The following OSCP1 variants were observed in gnomAD, a reference collection of about 807,000 sequenced individuals.
OSCP1 encodes organic solute carrier partner 1.
A neutral mutation model predicts 45.1 loss-of-function variants in OSCP1; 35 were observed. The ratio of observed to expected loss-of-function variants is 0.78; its 90% CI spans 0.59 to 1.03. The LOEUF (loss-of-function observed/expected upper bound fraction) is 1.03. Among genes scored for constraint, OSCP1 ranks in the 50% least tolerant of loss-of-function variants. The pLI, the probability that OSCP1 is intolerant of heterozygous loss-of-function variation, is 0.00. For synonymous variants in OSCP1, 179 were observed against 180.1 expected, an observed-to-expected ratio of 0.99 and a Z score of 0.05; for missense variants, 400 against 470.7, an observed-to-expected ratio of 0.85 and a Z score of 1.39.
At chr1:36,431,365 A>C (rs982436554) in intron 4 of OSCP1, among the ~76,000 whole-genome samples, 4 of 151,812 alleles carry the variant, frequency 2.6e-5, no homozygotes, top group Non-Finnish European at 5.9e-5. Context: ...TTGAGATGGG[A>C]GAGGGAAGGG....
intron 1 of OSCP1, among the ~76,000 whole-genome samples, chr1:36,442,125 G>C (rs1166617291): frequency 1.3e-5 from 2 of 152,108 alleles, no homozygotes; most frequent in African/African-American, 4.8e-5. Flanking sequence ...TACTCAGGAG[G>C]CTGAGGCAGG....
chr1:36,442,308 AACATAGCAAGCT>A (rs1649251593), intron 1 of OSCP1, among the ~76,000 whole-genome samples: 1 of 151,640 alleles, frequency 6.6e-6, no homozygotes. Context: ...TTGGGTTCTC[AACATAGCAAGCT>A]TCTAGTCCTG....
chr1:36,428,578 A>G, intron 4 of OSCP1: 2 of 1,364,726 alleles, frequency 1.5e-6, no homozygotes, highest in Non-Finnish European at 1.9e-6. Context: ...AGAAACTAAG[A>G]CTTAAGAGAA....
chr1:36,422,340 G>A (rs1394087021), intron 6 of OSCP1, 121 bp from the exon 7 acceptor site: 1 of 926,974 alleles, frequency 1.1e-6, no homozygotes, highest in Non-Finnish European at 1.7e-6. Flanking sequence ...GAAAGGTGCT[G>A]TGGGTACAGA....
chr1:36,432,864 T>C (rs1648466671), intron 2 of OSCP1, among the ~76,000 whole-genome samples: 2 of 152,222 alleles, frequency 1.3e-5, no homozygotes, highest in South Asian at 4.1e-4. Flanking sequence ...ATGGGATACG[T>C]CTGAAATAAT....
chr1:36,438,643 C>A, intron 2 of OSCP1, 113 bp downstream of exon 2: 1 of 1,279,648 alleles, frequency 7.8e-7, no homozygotes, highest in African/African-American at 1.5e-5. Flanking sequence ...TTTACACATG[C>A]CTGTTTCTTG....
intron 4 of OSCP1, among the ~76,000 whole-genome samples, chr1:36,427,219 C>G (rs1648024941): frequency 6.6e-6 from 1 of 151,374 alleles, no homozygotes. Flanking sequence ...CCAGGCTGGT[C>G]TCGAACTCCT....
Position 36,429,535 on chromosome 1 carries a change from A to ATTTTTTTTTTTTTTTTTTTTT in OSCP1, c.516+2246_516+2266dup, listed in dbSNP as rs200043573. Reference sequence around the variant, plus strand: ...CACATTCAAAATTCAGAAGCTTAGAATTTTTTTTTTTTTTTTTTTTTTTTT... The same window carrying ATTTTTTTTTTTTTTTTTTTTT: ...CACATTCAAAATTCAGAAGCTTAGAATTTTTTTTTTTTTTTTTTTTTTTTTTTTTTTTTTTTTTTTTTTTTT... On this transcript the variant is annotated intron_variant, in intron 4 of 9. Coordinates refer to ENST00000235532, the MANE Select transcript of OSCP1 (RefSeq NM_145047.5). Among the ~76,000 whole-genome samples, 52 of 100,314 alleles carry ATTTTTTTTTTTTTTTTTTTTT rather than the reference A, an allele frequency of 5.2e-4. 6 individuals are homozygous for ATTTTTTTTTTTTTTTTTTTTT. Among genetic ancestry groups the ATTTTTTTTTTTTTTTTTTTTT allele is most frequent in the African/African-American group, 2.0e-3 (47 of 23,902 alleles). The allele number at this position is 100,314 out of a possible 152,430, so 65.8% of individuals were successfully genotyped here. A position where few individuals can be genotyped will look rare whatever the true frequency, so the allele number is the denominator to read the frequency against.
intron 7 of OSCP1, 71 bp from the exon 8 acceptor site, chr1:36,420,686 CAGGT>C: frequency 6.4e-7 from 1 of 1,563,688 alleles, no homozygotes; most frequent in Non-Finnish European, 8.7e-7. Context: ...CTCAGAGACA[CAGGT>C]AGGTATTATA....
rs545003078 is a variant in OSCP1, at chr1:36,433,732, G to A, written c.268-1143C>T. Among the ~76,000 whole-genome samples the A allele has an allele frequency of 3.3e-5, 5 of 152,300 alleles. No homozygotes were observed. In the South Asian group the frequency reaches 1.0e-3, roughly 32 times the overall value. ...GACTAGATGTAGTAGAAGTTAGGGG[G>A]TTAAAGTTTTCTGGGCTGACATGAT... On this transcript the variant is annotated intron_variant, in intron 2 of 9. Coordinates refer to ENST00000235532, the MANE Select transcript of OSCP1 (RefSeq NM_145047.5).
intron 1 of OSCP1, among the ~76,000 whole-genome samples, chr1:36,444,822 G>A (rs1030641175): frequency 1.3e-5 from 2 of 152,064 alleles, no homozygotes; most frequent in Non-Finnish European, 2.9e-5. Flanking sequence ...AGTTTCCTTC[G>A]TAAAATAGGG....
intron 9 of OSCP1, chr1:36,418,540 AC>A (rs933158609): frequency 1.9e-5 from 9 of 466,788 alleles, no homozygotes; most frequent in African/African-American, 1.8e-4. Context: ...GAATGACAAT[AC>A]AGCACTTAAC....
intron 2 of OSCP1, among the ~76,000 whole-genome samples, chr1:36,434,246 G>A (rs931609947): frequency 7.5e-5 from 11 of 146,094 alleles, no homozygotes; most frequent in African/African-American, 3.1e-4. Context: ...TACCTCATTT[G>A]ATCCCATTTA....
chr1:36,443,969 G>A, intron 1 of OSCP1: 1 of 1,603,340 alleles, frequency 6.2e-7, no homozygotes, highest in South Asian at 1.1e-5. Context: ...ACCTGTGGAT[G>A]CACACTGAAC....
chr1:36,429,546 T>TTTTTTA (rs1408208586), intron 4 of OSCP1, among the ~76,000 whole-genome samples: 2 of 136,882 alleles, frequency 1.5e-5, no homozygotes, highest in Admixed American at 7.3e-5. Context: ...TTTTTTTTTT[T>TTTTTTA]TTTTTTTTTT....
chr1:36,443,990 C>T lies in OSCP1; in HGVS notation c.113-5080G>A, dbSNP rs76421758. 6,279 of 1,612,558 alleles carry T rather than the reference C, an allele frequency of 3.9e-3. 81 individuals carry two copies. The African/African-American group carries it at 0.042, about 11-fold the overall frequency. Reference sequence around the variant, plus strand: ...GGATGCACACTGAACACATGCAGCCCGGAGATAGCATACCTCGTTTTCTGT... The same window carrying T: ...GGATGCACACTGAACACATGCAGCCTGGAGATAGCATACCTCGTTTTCTGT... On this transcript the variant is annotated intron_variant, in intron 1 of 9. Transcript: ENST00000235532.
intron 2 of OSCP1, among the ~76,000 whole-genome samples, chr1:36,433,002 T>A (rs1648475365): frequency 6.6e-6 from 1 of 152,238 alleles, no homozygotes. Flanking sequence ...GGGCCTGAGT[T>A]TTCTCATCTG....
At chr1:36,426,313 G>C (rs777190001) in intron 4 of OSCP1, among the ~76,000 whole-genome samples, 63 of 152,250 alleles carry the variant, frequency 4.1e-4, no homozygotes, top group African/African-American at 1.5e-3. Context: ...GGACTGTTAG[G>C]TCTGTTTGCT....
At chr1:36,431,686 C>T (rs1161634348) in intron 4 of OSCP1, 116 bp downstream of exon 4, 1 of 865,658 alleles carries the variant, frequency 1.2e-6, no homozygotes, top group African/African-American at 1.7e-5. Context: ...AGAGGCAAAC[C>T]CTGAGGACAT....
Sources: gnomAD v4.1 joint callset for allele counts (sites outside exome capture counted in the v4.1 genomes callset) on GRCh38, gnomAD v4.1.1 for gene constraint, MANE v1.5 for transcripts, NCBI Gene and HGNC (gene_info 2026-07-23, HGNC 2026-07-21) for gene names.